Variants in CNTNAP2 observed in about 807,000 individuals in gnomAD.
The protein encoded by CNTNAP2 is contactin associated protein 2.
A neutral mutation model predicts 155.2 loss-of-function variants in CNTNAP2; 98 were observed. That is an observed-to-expected ratio of 0.63 (90% CI 0.54 to 0.75). The LOEUF is 0.75. CNTNAP2 is among the 30% of genes least tolerant of loss of function. The pLI, the probability that CNTNAP2 is intolerant of heterozygous loss-of-function variation, is 0.00. For synonymous variants in CNTNAP2, 651 were observed against 631.2 expected (o/e 1.03, Z -0.47); for missense variants, 1,727 against 1,688.1 (o/e 1.02, Z -0.40).
intron 1 of CNTNAP2, among the ~76,000 whole-genome samples, chr7:146,500,100 G>A (rs961250169): frequency 1.4e-5 from 2 of 147,620 alleles, no homozygotes; most frequent in African/African-American, 5.3e-5. Context: ...ATCTTTTTGT[G>A]TGAATTCCTT....
intron 9 of CNTNAP2, among the ~76,000 whole-genome samples, chr7:147,370,107 G>T (rs1563178798): frequency 1.3e-5 from 2 of 151,838 alleles, no homozygotes; most frequent in Non-Finnish European, 2.9e-5. Flanking sequence ...CAGTGTATGG[G>T]TCACTCACTT....
At chr7:146,596,681 A>G (rs1277395277) in intron 1 of CNTNAP2, among the ~76,000 whole-genome samples, 1 of 138,428 alleles carries the variant, frequency 7.2e-6, no homozygotes, top group Non-Finnish European at 1.6e-5. Flanking sequence ...GGTTTTATTC[A>G]TCACTATAAC....
intron 10 of CNTNAP2, among the ~76,000 whole-genome samples, chr7:147,476,295 T>C (rs1037114913): frequency 7.9e-5 from 12 of 151,956 alleles, no homozygotes; most frequent in Admixed American, 1.3e-4. Context: ...TTAGTAGAGA[T>C]GGGGTTTCAC....
At chr7:147,724,087 T>G (rs1796606044) in intron 13 of CNTNAP2, among the ~76,000 whole-genome samples, 1 of 151,938 alleles carries the variant, frequency 6.6e-6, no homozygotes, top group South Asian at 2.1e-4. Flanking sequence ...GTAATCATCA[T>G]AATAATAATA....
intron 1 of CNTNAP2, among the ~76,000 whole-genome samples, chr7:146,697,426 A>G (rs990818291): frequency 1.3e-4 from 20 of 151,988 alleles, no homozygotes; most frequent in African/African-American, 4.8e-4. Context: ...TTTGCTAGAG[A>G]CAGGGCTTCA....
intron 1 of CNTNAP2, among the ~76,000 whole-genome samples, chr7:146,643,367 T>C (rs1799747786): frequency 6.6e-6 from 1 of 152,122 alleles, no homozygotes; most frequent in Non-Finnish European, 1.5e-5. Flanking sequence ...CAGTTTCAGC[T>C]TTCTACATAT....
chr7:147,229,526 C>T (rs1451830244), intron 8 of CNTNAP2, among the ~76,000 whole-genome samples: 1 of 152,154 alleles, frequency 6.6e-6, no homozygotes, highest in Non-Finnish European at 1.5e-5. Flanking sequence ...CAGTTGGTAT[C>T]TACAAGTATT....
chr7:147,716,660 C>T (rs551605140), intron 13 of CNTNAP2, among the ~76,000 whole-genome samples: 1 of 152,246 alleles, frequency 6.6e-6, no homozygotes, highest in Admixed American at 6.5e-5. Flanking sequence ...ATCCCCCGTG[C>T]AAGCTTCCAG....
chr7:146,900,761 C>T (rs577855134), intron 3 of CNTNAP2, among the ~76,000 whole-genome samples: 2 of 152,134 alleles, frequency 1.3e-5, no homozygotes, highest in African/African-American at 4.8e-5. Flanking sequence ...ATATTGCTAT[C>T]CGAGCGCAGA....
intron 2 of CNTNAP2, among the ~76,000 whole-genome samples, chr7:146,786,100 T>G (rs899697764): frequency 6.6e-6 from 1 of 152,190 alleles, no homozygotes; most frequent in Admixed American, 6.5e-5. Context: ...TAGACAAGTT[T>G]AGGCCATAAA....
At chr7:146,414,192 T>G (rs2129111813) in intron 1 of CNTNAP2, among the ~76,000 whole-genome samples, 1 of 152,330 alleles carries the variant, frequency 6.6e-6, no homozygotes, top group East Asian at 1.9e-4. Context: ...TTTGTAAATT[T>G]ATTCGTGATT....
At chr7:146,226,613 T>G (rs1403455028) in intron 1 of CNTNAP2, among the ~76,000 whole-genome samples, 3 of 152,120 alleles carry the variant, frequency 2.0e-5, no homozygotes, top group Non-Finnish European at 4.4e-5. Context: ...TGAGTCAAGA[T>G]CATGTCACTG....
chr7:147,316,003 C>G (rs1379399422), intron 9 of CNTNAP2, among the ~76,000 whole-genome samples: 1 of 151,882 alleles, frequency 6.6e-6, no homozygotes, highest in Non-Finnish European at 1.5e-5. Flanking sequence ...TATTCATTCA[C>G]AAGTGATGGA....
chr7:147,955,821 G>A (rs937442301), intron 14 of CNTNAP2, among the ~76,000 whole-genome samples: 6 of 152,148 alleles, frequency 3.9e-5, no homozygotes, highest in Admixed American at 6.5e-5. Context: ...GCAGGTTAAA[G>A]AACAAAACAA....
intron 8 of CNTNAP2, among the ~76,000 whole-genome samples, chr7:147,236,311 C>G (rs1254820593): frequency 2.0e-5 from 3 of 152,212 alleles, no homozygotes; most frequent in Non-Finnish European, 4.4e-5. Context: ...CTAAACCCCA[C>G]TGGCTCTCTG....
chr7:148,396,648 A>G (rs1421907732), intron 22 of CNTNAP2, among the ~76,000 whole-genome samples: 2 of 152,212 alleles, frequency 1.3e-5, no homozygotes, highest in Non-Finnish European at 2.9e-5. Flanking sequence ...CATGCTTTTC[A>G]GAGAAAAGTC....
At position 146,941,497 on chromosome 7, in the gene CNTNAP2, T is replaced by TTG. The variant is rs534605393; in HGVS notation, c.402+101594_402+101595insGT. 3.9e-3 allele frequency among the ~76,000 whole-genome samples: 591 copies of TTG among 152,280 alleles called. 7 individuals carry two copies. The highest frequency in any genetic ancestry group is 0.013 in the African/African-American group (542 of 41,570). On this transcript the variant is annotated intron_variant, in intron 3 of 23. Transcript: ENST00000361727. Reference sequence around the variant, plus strand: ...AATTTAATAGTTTTGTCTTTTAACCTTCATACTAATGATATACATGATTTA... The same window carrying TTG: ...AATTTAATAGTTTTGTCTTTTAACCTTGTCATACTAATGATATACATGATTTA...
intron 16 of CNTNAP2, among the ~76,000 whole-genome samples, chr7:148,144,342 T>G (rs914666333): frequency 4.6e-5 from 7 of 152,224 alleles, no homozygotes; most frequent in African/African-American, 9.6e-5. Flanking sequence ...TGGGGTTTCC[T>G]AAGTCCAGGG....
chr7:147,368,307 G>T (rs1796279792), intron 9 of CNTNAP2, among the ~76,000 whole-genome samples: 1 of 151,956 alleles, frequency 6.6e-6, no homozygotes, highest in African/African-American at 2.4e-5. Flanking sequence ...CACAGAAGGA[G>T]GTAGAGGACA....
Sources: allele counts gnomAD v4.1 joint callset (sites outside exome capture counted in the v4.1 genomes callset), GRCh38; gene constraint gnomAD v4.1.1; transcripts MANE v1.5; gene names NCBI Gene and HGNC (gene_info 2026-07-23, HGNC 2026-07-21).